The following UGT1A10 variants were observed in gnomAD, a reference collection of about 807,000 sequenced individuals.
The protein encoded by UGT1A10 is UDP-glucuronosyltransferase 1A10.
In UGT1A10, 49 loss-of-function variants were observed where a neutral mutation model predicts 45.8. That is an observed-to-expected ratio of 1.07 (90% CI 0.85 to 1.36). The LOEUF is 1.36. Ranked by LOEUF, UGT1A10 falls within the 40% of genes most tolerant of loss-of-function variation. The probability of loss-of-function intolerance (pLI) is 0.00; values close to 1 mark genes in which losing one functional copy is unlikely to be tolerated. For synonymous variants in UGT1A10, 284 were observed against 249.7 expected, an observed-to-expected ratio of 1.14 and a Z score of -1.29; for missense variants, 745 against 668.6, an observed-to-expected ratio of 1.11 and a Z score of -1.26.
intron 1 of UGT1A10, chr2:233,742,923 T>C (rs1692137211): frequency 5.3e-6 from 1 of 189,486 alleles, no homozygotes; most frequent in Admixed American, 5.4e-5. Context: ...AGTGCTGAAC[T>C]GAACATTCTG....
At chr2:233,661,623 T>TTTTCTTTCTTTCTTTCCTTC (rs2073966015) in intron 1 of UGT1A10, among the ~76,000 whole-genome samples, 2 of 123,952 alleles carry the variant, frequency 1.6e-5, no homozygotes, top group African/African-American at 3.2e-5. Context: ...ACTTACTGAA[T>TTTTCTTTCTTTCTTTCCTTC]TTTCTTTCTT....
At chr2:233,712,915 G>C in intron 1 of UGT1A10, 1 of 1,611,388 alleles carries the variant, frequency 6.2e-7, no homozygotes, top group Non-Finnish European at 8.5e-7. Flanking sequence ...TCAGTGACAA[G>C]GTAATTAAGA....
At chr2:233,679,143 A>G (rs1205830225) in intron 1 of UGT1A10, among the ~76,000 whole-genome samples, 2 of 152,148 alleles carry the variant, frequency 1.3e-5, no homozygotes, top group Non-Finnish European at 2.9e-5. Context: ...GAGAGACTGA[A>G]TTAGAGATGT....
At chr2:233,691,081 T>C in intron 1 of UGT1A10, 1 of 986,102 alleles carries the variant, frequency 1.0e-6, no homozygotes, top group East Asian at 1.1e-4. Context: ...GTGAAGTTTG[T>C]AGCATCTCTT....
intron 1 of UGT1A10, among the ~76,000 whole-genome samples, chr2:233,728,399 G>A (rs913883256): frequency 6.6e-6 from 1 of 152,174 alleles, no homozygotes; most frequent in African/African-American, 2.4e-5. Context: ...TCTTGCCCAT[G>A]TGTGCTTTAG....
intron 1 of UGT1A10, among the ~76,000 whole-genome samples, chr2:233,706,634 CTG>C (rs969226028): frequency 6.6e-6 from 1 of 152,204 alleles, no homozygotes; most frequent in African/African-American, 2.4e-5. Flanking sequence ...AGTGTTTCTA[CTG>C]TGTCTGTGCC....
At position 233,693,745 on chromosome 2, in the gene UGT1A10, T is replaced by C. The variant is rs368550302; in HGVS notation, c.855+56368T>C. On this transcript the variant is annotated intron_variant, in intron 1 of 4. Transcript: ENST00000344644. The stretch of plus-strand genomic sequence containing the variant: ...GAGATGTGGATATAATCACCTTATA[T>C]CAGAAGGTCTCTGTTTGGCTGTTAA... 4.3e-6 allele frequency: 7 copies of C among 1,614,236 alleles called. No homozygotes were observed. The South Asian group carries it at 7.7e-5, about 18-fold the overall frequency.
chr2:233,660,711 C>G (rs1207136868), intron 1 of UGT1A10, among the ~76,000 whole-genome samples: 1 of 152,188 alleles, frequency 6.6e-6, no homozygotes, highest in Admixed American at 6.6e-5. Context: ...GTGCCCGCTT[C>G]TCTTCCTTAC....
chr2:233,674,144 C>G (rs1273610553), intron 1 of UGT1A10, among the ~76,000 whole-genome samples: 1 of 152,128 alleles, frequency 6.6e-6, no homozygotes, highest in Admixed American at 6.5e-5. Context: ...TTACAAGGTT[C>G]AGTAGACTTG....
chr2:233,659,508 T>A (rs2073924207), intron 1 of UGT1A10, among the ~76,000 whole-genome samples: 1 of 152,180 alleles, frequency 6.6e-6, no homozygotes. Flanking sequence ...ATTCATTAAG[T>A]GGGAGTGGAT....
At chr2:233,692,893 G>C in intron 1 of UGT1A10, 1 of 1,527,424 alleles carries the variant, frequency 6.5e-7, no homozygotes, top group Non-Finnish European at 8.7e-7. Flanking sequence ...GCAAGGGAGA[G>C]GTAGACAGGA....
At chr2:233,727,899 C>T (rs1376574896) in intron 1 of UGT1A10, among the ~76,000 whole-genome samples, 1 of 152,176 alleles carries the variant, frequency 6.6e-6, no homozygotes, top group Admixed American at 6.5e-5. Context: ...CACGGCCAGG[C>T]AAGAAGACAC....
At chr2:233,734,262 T>A (rs1260850291) in intron 1 of UGT1A10, among the ~76,000 whole-genome samples, 1 of 152,214 alleles carries the variant, frequency 6.6e-6, no homozygotes, top group Admixed American at 6.5e-5. Flanking sequence ...GGAGGGTGTA[T>A]GTGTCCAGGA....
At chr2:233,712,288 C>G (rs147382536) in intron 1 of UGT1A10, among the ~76,000 whole-genome samples, 1 of 152,350 alleles carries the variant, frequency 6.6e-6, no homozygotes, top group African/African-American at 2.4e-5. Flanking sequence ...ACCTCTTCTT[C>G]CATGGTGTAG....
intron 1 of UGT1A10, among the ~76,000 whole-genome samples, chr2:233,655,912 C>T (rs1389887942): frequency 6.6e-6 from 1 of 152,110 alleles, no homozygotes; most frequent in Non-Finnish European, 1.5e-5. Flanking sequence ...ACTTTTACAC[C>T]TCTGATCACT....
intron 1 of UGT1A10, among the ~76,000 whole-genome samples, chr2:233,725,586 A>T (rs1194596370): frequency 6.6e-6 from 1 of 152,166 alleles, no homozygotes; most frequent in Non-Finnish European, 1.5e-5. Flanking sequence ...TTATGACTTA[A>T]CTATTTGACA....
intron 1 of UGT1A10, among the ~76,000 whole-genome samples, chr2:233,762,456 GATA>G (rs1312099964): frequency 6.6e-6 from 1 of 152,130 alleles, no homozygotes; most frequent in African/African-American, 2.4e-5. Flanking sequence ...CCCACTTACC[GATA>G]ATGTCATGGA....
intron 1 of UGT1A10, among the ~76,000 whole-genome samples, chr2:233,728,669 T>C (rs1349775872): frequency 3.9e-5 from 6 of 152,276 alleles, no homozygotes; most frequent in Admixed American, 3.9e-4. Context: ...GCGTTACTCA[T>C]ACATGAGAAG....
intron 1 of UGT1A10, among the ~76,000 whole-genome samples, chr2:233,679,569 G>T (rs1021852302): frequency 6.6e-6 from 1 of 151,752 alleles, no homozygotes; most frequent in African/African-American, 2.4e-5. Context: ...GTTTGTTTTT[G>T]TTTTTTCCAG....
Sources: allele counts gnomAD v4.1 joint callset (sites outside exome capture counted in the v4.1 genomes callset), GRCh38; gene constraint gnomAD v4.1.1; transcripts MANE v1.5; gene names NCBI Gene and HGNC (gene_info 2026-07-23, HGNC 2026-07-21).